The following PRKCE variants were observed in gnomAD, a reference collection of about 807,000 sequenced individuals.
PRKCE encodes protein kinase C epsilon.
Under a neutral mutation model 85.4 loss-of-function variants are expected in PRKCE, and 16 were observed. The observed-to-expected ratio is 0.19, with a 90% CI of 0.13 to 0.28. The LOEUF (loss-of-function observed/expected upper bound fraction) is 0.28, where lower values mean the gene tolerates loss of function less well. Among genes scored for constraint, PRKCE ranks in the 10% least tolerant of loss-of-function variants. The probability of loss-of-function intolerance (pLI) is 1.00; values close to 1 mark genes in which losing one functional copy is unlikely to be tolerated. For synonymous variants in PRKCE, 388 were observed against 371.5 expected (o/e 1.04, Z -0.51); for missense variants, 573 against 975.2 (o/e 0.59, Z 5.49).
intron 14 of PRKCE, among the ~76,000 whole-genome samples, chr2:46,177,728 T>A (rs1413528334): frequency 6.6e-6 from 1 of 152,212 alleles, no homozygotes; most frequent in Non-Finnish European, 1.5e-5. Context: ...ACATATCTTT[T>A]TGGGGAGACA....
At chr2:45,728,062 G>A (rs61619501) in intron 1 of PRKCE, among the ~76,000 whole-genome samples, 1,928 of 152,246 alleles carry the variant, frequency 0.013, 36 homozygotes, top group African/African-American at 0.043. Flanking sequence ...ACCATGCCTC[G>A]CTTTCTGTTT....
At chr2:45,808,636 G>A (rs993137022) in intron 1 of PRKCE, among the ~76,000 whole-genome samples, 3 of 152,188 alleles carry the variant, frequency 2.0e-5, no homozygotes, top group Admixed American at 2.0e-4. Context: ...TCTGGCACTG[G>A]GTTGGGTGGT....
chr2:46,073,339 G>A (rs977992261), intron 10 of PRKCE: 2 of 152,244 alleles, frequency 1.3e-5, no homozygotes, highest in African/African-American at 4.8e-5. Context: ...ACCCTTTGCA[G>A]TGACACAGAC....
intron 2 of PRKCE, among the ~76,000 whole-genome samples, chr2:45,928,419 C>G (rs1698791701): frequency 6.6e-6 from 1 of 152,172 alleles, no homozygotes; most frequent in Admixed American, 6.5e-5. Flanking sequence ...AGGCACACAC[C>G]ACCATGCCCA....
intron 11 of PRKCE, among the ~76,000 whole-genome samples, chr2:46,093,653 C>G (rs1163114201): frequency 6.6e-6 from 1 of 151,864 alleles, no homozygotes; most frequent in Non-Finnish European, 1.5e-5. Context: ...CTCAGCCTCC[C>G]AAATTGCTGG....
At chr2:45,681,117 C>T (rs1185752212) in intron 1 of PRKCE, among the ~76,000 whole-genome samples, 6 of 151,666 alleles carry the variant, frequency 4.0e-5, no homozygotes, top group Non-Finnish European at 7.4e-5. Flanking sequence ...GCTAAAACCC[C>T]GTCTCTACTA....
chr2:45,902,572 G>A (rs1453382925), intron 2 of PRKCE, among the ~76,000 whole-genome samples: 2 of 152,218 alleles, frequency 1.3e-5, no homozygotes, highest in Non-Finnish European at 2.9e-5. Context: ...TCAGAAATGA[G>A]GAACTGGCTG....
chr2:46,116,307 G>A (rs1173613903), intron 11 of PRKCE, among the ~76,000 whole-genome samples: 5 of 152,194 alleles, frequency 3.3e-5, no homozygotes, highest in Non-Finnish European at 5.9e-5. Flanking sequence ...AACTTCCCAG[G>A]AAACAGTGTG....
At chr2:46,114,227 G>T (rs918014434) in intron 11 of PRKCE, among the ~76,000 whole-genome samples, 3 of 152,016 alleles carry the variant, frequency 2.0e-5, no homozygotes, top group African/African-American at 7.3e-5. Flanking sequence ...AACTTCGGGG[G>T]TATAAACCTG....
chr2:45,679,169 A>C (rs1247271945), intron 1 of PRKCE, among the ~76,000 whole-genome samples: 1 of 152,192 alleles, frequency 6.6e-6, no homozygotes, highest in Non-Finnish European at 1.5e-5. Flanking sequence ...ATAAATATGC[A>C]AGCAGCAGAA....
chr2:46,059,189 A>T (rs1666884374), intron 10 of PRKCE, among the ~76,000 whole-genome samples: 1 of 111,118 alleles, frequency 9.0e-6, no homozygotes, highest in East Asian at 1.9e-4. Flanking sequence ...CCAGGAGGTT[A>T]AGGCTACAGT....
At position 45,951,725 on chromosome 2, in the gene PRKCE, A is replaced by C. The variant is rs537412778; in HGVS notation, c.413-24704A>C. ...CATACAATGAGTCTGGTTCTTCCAC[A>C]CCTCATCCTCTGAGTTTGTGCCAAG... On this transcript the variant is annotated intron_variant, in intron 2 of 14. Coordinates refer to ENST00000306156, the MANE Select transcript of PRKCE (RefSeq NM_005400.3). 7.2e-5 allele frequency among the ~76,000 whole-genome samples: 11 copies of C among 152,280 alleles called. No homozygotes were observed. In the South Asian group the frequency reaches 2.3e-3, roughly 32 times the overall value.
intron 1 of PRKCE, among the ~76,000 whole-genome samples, chr2:45,791,526 C>T (rs1206592238): frequency 1.3e-5 from 2 of 152,188 alleles, no homozygotes; most frequent in Non-Finnish European, 1.5e-5. Context: ...TCCATATCCT[C>T]TTTCTTTTAG....
chr2:46,060,745 T>A (rs1396473200), intron 10 of PRKCE, among the ~76,000 whole-genome samples: 1 of 95,722 alleles, frequency 1.0e-5, no homozygotes, highest in Non-Finnish European at 2.0e-5. Context: ...TTCTCTCTCC[T>A]TTTTTTTTTT....
intron 2 of PRKCE, among the ~76,000 whole-genome samples, chr2:45,936,294 C>G (rs548096080): frequency 2.0e-5 from 3 of 152,230 alleles, no homozygotes; most frequent in African/African-American, 2.4e-5. Flanking sequence ...TCACTCAATT[C>G]TTTTCCCTGC....
intron 10 of PRKCE, chr2:46,073,903 T>C (rs1668291949): frequency 6.6e-6 from 1 of 152,158 alleles, no homozygotes; most frequent in East Asian, 1.9e-4. Flanking sequence ...GACCACGCTA[T>C]GCACGTATCA....
chr2:45,930,290 A>G (rs144063620), intron 2 of PRKCE, among the ~76,000 whole-genome samples: 12 of 152,360 alleles, frequency 7.9e-5, no homozygotes, highest in Admixed American at 6.5e-4. Flanking sequence ...CAGGTTGATA[A>G]GTGATTAAGA....
chr2:46,122,625 T>A (rs1359233229), intron 11 of PRKCE, among the ~76,000 whole-genome samples: 1 of 152,118 alleles, frequency 6.6e-6, no homozygotes, highest in Non-Finnish European at 1.5e-5. Context: ...CAGGTTTGGG[T>A]TGATAGATGA....
intron 11 of PRKCE, among the ~76,000 whole-genome samples, chr2:46,110,635 T>A (rs182819058): frequency 0.01 from 1,589 of 151,914 alleles, 39 homozygotes; most frequent in African/African-American, 0.036. Context: ...TTTTTTTTTT[T>A]AAAGCGGCTT....
Sources: gnomAD v4.1 joint callset for allele counts (sites outside exome capture counted in the v4.1 genomes callset) on GRCh38, gnomAD v4.1.1 for gene constraint, MANE v1.5 for transcripts, NCBI Gene and HGNC (gene_info 2026-07-23, HGNC 2026-07-21) for gene names.